The following SLC29A4 variants were observed in gnomAD, a reference collection of about 807,000 sequenced individuals.
SLC29A4 encodes the protein equilibrative nucleoside transporter 4.
In SLC29A4, 36 loss-of-function variants were observed where a neutral mutation model predicts 43.9. The observed-to-expected ratio is 0.82, with a 90% CI of 0.63 to 1.08. The LOEUF (loss-of-function observed/expected upper bound fraction) is 1.08. SLC29A4 is among the 50% of genes least tolerant of loss of function. SLC29A4 has a pLI of 0.00. For synonymous variants in SLC29A4, 491 were observed against 338.0 expected (o/e 1.45, Z -4.97); for missense variants, 869 against 755.3 (o/e 1.15, Z -1.77).
intron 2 of SLC29A4, among the ~76,000 whole-genome samples, chr7:5,288,530 G>A (rs984906434): frequency 6.6e-6 from 1 of 151,810 alleles, no homozygotes; most frequent in South Asian, 2.1e-4. Context: ...CTGACCTCAT[G>A]ATCCGCCCGC....
Position 5,297,031 on chromosome 7 carries a change from G to C in SLC29A4, c.715G>C (p.Val239Leu). The change falls in exon 7 of 11, where the codon GTG (valine) becomes CTG (leucine). Residue 239 changes from valine (V) to leucine (L), a missense_variant. Val to Leu is a conservative substitution (Grantham distance 32). Coordinates refer to ENST00000396872, the MANE Select transcript of SLC29A4 (RefSeq NM_153247.4). ...CACGCTCATCTTCTTCCTGGTGTCG[G>C]TGGCGCTGGAGCTGCTGTGTTTCCT... ...ASTLIFFLVS[V>L]ALELLCFLLH... The C allele has an allele frequency of 1.9e-6, 3 of 1,606,800 alleles. No individual in the cohort carries two copies. The highest frequency in any genetic ancestry group is 2.5e-6 in the Non-Finnish European group (3 of 1,179,690).
intron 7 of SLC29A4, among the ~76,000 whole-genome samples, chr7:5,298,264 C>T (rs1250616802): frequency 6.6e-6 from 1 of 152,160 alleles, no homozygotes; most frequent in South Asian, 2.1e-4. Context: ...GGGTGCGTCC[C>T]TCTCATGGTC....
At chr7:5,299,779 A>T (rs886974917) in intron 9 of SLC29A4, among the ~76,000 whole-genome samples, 7 of 152,260 alleles carry the variant, frequency 4.6e-5, no homozygotes, top group African/African-American at 1.7e-4. Context: ...GGCCAGGTGC[A>T]GTGGCTTATG....
chr7:5,301,137 G>A (rs372940471), intron 10 of SLC29A4, among the ~76,000 whole-genome samples: 114 of 152,126 alleles, frequency 7.5e-4, no homozygotes, highest in African/African-American at 2.6e-3. Flanking sequence ...GGTAGCGTGC[G>A]CCTATGGTCC....
chr7:5,299,612 C>T (rs1785988842), intron 9 of SLC29A4, among the ~76,000 whole-genome samples, 185 bp downstream of exon 9: 1 of 152,208 alleles, frequency 6.6e-6, no homozygotes. Flanking sequence ...GGCCTGATCC[C>T]ACTGGGGCGC....
intron 5 of SLC29A4, among the ~76,000 whole-genome samples, chr7:5,293,687 C>T (rs1288281946): frequency 6.6e-6 from 1 of 152,116 alleles, no homozygotes; most frequent in African/African-American, 2.4e-5. Context: ...CTCTGTCGCC[C>T]AGGCTGGAGT....
intron 5 of SLC29A4, among the ~76,000 whole-genome samples, chr7:5,293,204 C>T (rs1166730710): frequency 8.2e-5 from 12 of 145,500 alleles, no homozygotes; most frequent in African/African-American, 2.8e-4. Context: ...TTTCTCTGTC[C>T]CCCAGGCTGG....
At position 5,291,767 on chromosome 7, in the gene SLC29A4, C is replaced by G. The variant is rs745372603; in HGVS notation, c.490C>G (p.Gln164Glu). 1 of 1,612,018 alleles carries G rather than the reference C, an allele frequency of 6.2e-7. No homozygotes were observed. Among genetic ancestry groups the G allele is most frequent in the Non-Finnish European group, 8.5e-7 (1 of 1,179,836 alleles). The change falls in exon 5 of 11, where the codon CAG becomes GAG. Residue 164 changes from glutamine (Q) to glutamate (E), a missense_variant. By Grantham distance (29) the Gln-to-Glu change is conservative (BLOSUM62 2). Coordinates refer to ENST00000396872, the MANE Select transcript of SLC29A4 (RefSeq NM_153247.4). ...DVWLQLFSRD[Q>E]AYAINLAAVG... ...GTGGCTGCAGCTCTTCTCTCGGGAC[C>G]AGGCCTACGCCATCAACCTGGCCGC...
At chr7:5,285,127 C>G (rs1205976250) in intron 1 of SLC29A4, among the ~76,000 whole-genome samples, 2 of 152,196 alleles carry the variant, frequency 1.3e-5, no homozygotes, top group Non-Finnish European at 2.9e-5. Flanking sequence ...TGCTGACTCT[C>G]TGGCGCCTCC....
At chr7:5,296,553 CGGGTGGGACGGGGCTGGGTGGGGT>C (rs1785675779) in intron 6 of SLC29A4, among the ~76,000 whole-genome samples, 1 of 15,588 alleles carries the variant, frequency 6.4e-5, no homozygotes, top group Non-Finnish European at 1.1e-4. Context: ...AGTGAGGGAG[CGGGTGGGACGGGGCTGGGTGGGGT>C]CAAGCTGAGT....
In SLC29A4 at chr7:5,302,765, C is replaced by A. The variant is rs1294032980; in HGVS notation, c.1451-32C>A. 5 of 1,539,204 alleles carry A rather than the reference C, an allele frequency of 3.2e-6. No individual in the cohort carries two copies. In the African/African-American group the frequency reaches 6.9e-5, roughly 21 times the overall value. On this transcript the variant is annotated intron_variant, in intron 10 of 10. Coordinates refer to ENST00000396872, the MANE Select transcript of SLC29A4 (RefSeq NM_153247.4). ...CGTGGCCACCAGGTGGCCGCCCTGGCCCTGCTCCCCTCAGGCTGGTGTTGT... is the reference window on the plus strand; with the variant it reads ...CGTGGCCACCAGGTGGCCGCCCTGGACCTGCTCCCCTCAGGCTGGTGTTGT...
chr7:5,294,932 A>G lies in SLC29A4; in HGVS notation c.617A>G (p.Glu206Gly). The G allele has an allele frequency of 1.2e-6, 2 of 1,605,392 alleles. No homozygotes were observed. Among genetic ancestry groups the G allele is most frequent in the Non-Finnish European group, 1.7e-6 (2 of 1,177,346 alleles). ...TACACGCAGGGGGTGATGACCGGGGAGAGTGAGTATCTGCAGACCCCCCGG... is the reference window on the plus strand; with the variant it reads ...TACACGCAGGGGGTGATGACCGGGGGGAGTGAGTATCTGCAGACCCCCCGG... ...KRYTQGVMTG[E>G]STAGVMISLS... The change falls in exon 6 of 11, where the codon GAG (glutamate) becomes GGG (glycine). Residue 206 changes from glutamate (E) to glycine (G), a missense_variant and splice_region_variant. Physicochemically the swap from Glu to Gly is moderately conservative, Grantham distance 98. Transcript: ENST00000396872.
chr7:5,299,070 A>G lies in SLC29A4; in HGVS notation c.965A>G (p.Tyr322Cys). Residue 322 changes from tyrosine (Y) to cysteine (C), a missense_variant, in exon 8 of 11, where the codon TAC (tyrosine) becomes TGC (cysteine). Tyr to Cys is a radical substitution (Grantham distance 194). Coordinates refer to ENST00000396872, the MANE Select transcript of SLC29A4 (RefSeq NM_153247.4). ...AHEVTGSGGAYMRFDVPRPRV... is the reference protein window; with the variant it reads ...AHEVTGSGGACMRFDVPRPRV... ...GAGGTGACCGGCAGCGGCGGGGCCT[A>G]CATGCGCTTTGATGTGCCGCGGCCA... 1 of 1,611,070 alleles carries G rather than the reference A, an allele frequency of 6.2e-7. No individual in the cohort carries two copies. Among genetic ancestry groups the G allele is most frequent in the Non-Finnish European group, 8.5e-7 (1 of 1,179,570 alleles).
intron 1 of SLC29A4, among the ~76,000 whole-genome samples, chr7:5,285,099 C>T (rs977831263): frequency 1.3e-5 from 2 of 152,182 alleles, no homozygotes; most frequent in African/African-American, 2.4e-5. Flanking sequence ...AAGAAGGGCC[C>T]CGGGGTCTCT....
rs1392071819 is a variant in SLC29A4, at chr7:5,290,653, G to C, written c.170-79G>C. 5 of 1,534,076 alleles carry C rather than the reference G, an allele frequency of 3.3e-6. No homozygotes were observed. In the East Asian group the frequency reaches 1.1e-4, roughly 35 times the overall value. The stretch of plus-strand genomic sequence containing the variant: ...CAGTGGCTATGGTGATGGCGGCCGG[G>C]GTGGTGGACATCGCCCTGTGCGGTG... On this transcript the variant is annotated intron_variant, in intron 2 of 10. Transcript: ENST00000396872.
chr7:5,293,963 G>C (rs927453171), intron 5 of SLC29A4, among the ~76,000 whole-genome samples: 1 of 152,044 alleles, frequency 6.6e-6, no homozygotes, highest in African/African-American at 2.4e-5. Flanking sequence ...AAAATTAGCC[G>C]GGTGTGGTGG....
intron 1 of SLC29A4, 63 bp from the exon 2 acceptor site, chr7:5,287,746 G>T: frequency 6.5e-7 from 1 of 1,530,126 alleles, no homozygotes; most frequent in Non-Finnish European, 8.9e-7. Context: ...ATGGGTCAGT[G>T]CATGAGCCAT....
rs1190929946 is a variant in SLC29A4 at position 5,303,848 on chromosome 7, C to T, written c.*909C>T. 3 of 152,194 alleles carry T rather than the reference C, an allele frequency of 2.0e-5. No individual in the cohort carries two copies. The highest frequency in any genetic ancestry group is 4.4e-5 in the Non-Finnish European group (3 of 68,052). 9.4% of individuals were successfully genotyped at this position (152,194 alleles called of 1,614,324 possible). ...GGGGGTCAGTCCAGCCCGGGCCTCC[C>T]AGAACACCAGGCCCGTGTGGGTGGC... On this transcript the variant is annotated 3_prime_UTR_variant, in exon 11 of 11. Coordinates refer to ENST00000396872, the MANE Select transcript of SLC29A4 (RefSeq NM_153247.4).
intron 7 of SLC29A4, among the ~76,000 whole-genome samples, chr7:5,297,652 C>T (rs1303506642): frequency 1.4e-5 from 2 of 146,956 alleles, no homozygotes; most frequent in South Asian, 2.1e-4. Flanking sequence ...CAGCCTTCCT[C>T]CCTAGAGTCG....
Sources: allele counts gnomAD v4.1 joint callset (sites outside exome capture counted in the v4.1 genomes callset), GRCh38; gene constraint gnomAD v4.1.1; transcripts MANE v1.5; gene names NCBI Gene and HGNC (gene_info 2026-07-23, HGNC 2026-07-21).